DYSF: variants seen among roughly 807,000 people sequenced by gnomAD.
DYSF encodes dysferlin.
Under a neutral mutation model 274.9 loss-of-function variants are expected in DYSF, and 212 were observed. The ratio of observed to expected loss-of-function variants is 0.77; its 90% confidence interval spans 0.69 to 0.86. The LOEUF is 0.86. Among genes scored for constraint, DYSF ranks in the 40% least tolerant of loss-of-function variants. The probability of loss-of-function intolerance (pLI) is 0.00; values close to 1 mark genes in which losing one functional copy is unlikely to be tolerated. For missense variants in DYSF, 2,666 were observed against 2,783.2 expected, an observed-to-expected ratio of 0.96 and a Z score of 0.95; for synonymous variants, 1,091 against 1,078.7, an observed-to-expected ratio of 1.01 and a Z score of -0.22.
At chr2:71,480,627 A>T (rs2082803589) in intron 1 of DYSF, among the ~76,000 whole-genome samples, 1 of 152,240 alleles carries the variant, frequency 6.6e-6, no homozygotes, top group African/African-American at 2.4e-5. Flanking sequence ...TAACAATAAC[A>T]AACTCATTAA....
At chr2:71,561,202 T>C (rs1169658769) in intron 22 of DYSF, among the ~76,000 whole-genome samples, 1 of 152,142 alleles carries the variant, frequency 6.6e-6, no homozygotes, top group South Asian at 2.1e-4. Flanking sequence ...AAGGGTTCTG[T>C]TGTGGCTCCC....
chr2:71,650,636 A>T (rs1320509556), intron 42 of DYSF, among the ~76,000 whole-genome samples: 1 of 152,180 alleles, frequency 6.6e-6, no homozygotes. Context: ...CATGAAGAAA[A>T]CTTTAATAAA....
chr2:71,651,289 T>C lies in DYSF; in HGVS notation c.4627-4873T>C, dbSNP rs565243224. 3.3e-5 allele frequency among the ~76,000 whole-genome samples: 5 copies of C among 152,160 alleles called. No individual in the cohort carries two copies. In the East Asian group the frequency reaches 7.7e-4, roughly 23 times the overall value. ...GAATGAATCAACTAAAATAGATAAC[T>C]CTTCAGCTAGTCTACTTTAGAGAAG... On this transcript the variant is annotated intron_variant, in intron 42 of 55. Coordinates refer to ENST00000410020, the MANE Select transcript of DYSF (RefSeq NM_001130987.2).
At chr2:71,619,660 C>T (rs2094045065) in intron 40 of DYSF, among the ~76,000 whole-genome samples, 1 of 152,202 alleles carries the variant, frequency 6.6e-6, no homozygotes, top group South Asian at 2.1e-4. Context: ...CCCTCCTGAC[C>T]CGTTTGCTCT....
At chr2:71,503,184 T>C in intron 3 of DYSF, 30 bp from the exon 4 acceptor site, 2 of 1,609,130 alleles carry the variant, frequency 1.2e-6, no homozygotes, top group Non-Finnish European at 1.7e-6. Context: ...TTAGGCTAGT[T>C]TTCTACATTT....
chr2:71,607,829 T>C (rs2093673633), intron 36 of DYSF, among the ~76,000 whole-genome samples: 1 of 152,076 alleles, frequency 6.6e-6, no homozygotes, highest in Non-Finnish European at 1.5e-5. Context: ...GAATCCAGTT[T>C]TGGACAAGTT....
At chr2:71,502,640 C>T (rs570536009) in intron 3 of DYSF, among the ~76,000 whole-genome samples, 1 of 152,350 alleles carries the variant, frequency 6.6e-6, no homozygotes, top group South Asian at 2.1e-4. Context: ...GAAATGCAGC[C>T]TCTGGTGCGT....
chr2:71,495,804 G>T (rs2084325749), intron 3 of DYSF, among the ~76,000 whole-genome samples: 1 of 152,194 alleles, frequency 6.6e-6, no homozygotes, highest in South Asian at 2.1e-4. Flanking sequence ...TGGGGCAGGG[G>T]CTCTGCTACC....
At chr2:71,648,059 A>C (rs918587231) in intron 42 of DYSF, among the ~76,000 whole-genome samples, 2 of 152,232 alleles carry the variant, frequency 1.3e-5, no homozygotes, top group Non-Finnish European at 2.9e-5. Flanking sequence ...AATTCAGCTC[A>C]TTTAGTGAGA....
chr2:71,481,695 T>TCCATCC (rs71402983), intron 2 of DYSF, among the ~76,000 whole-genome samples, 184 bp from the exon 3 acceptor site: 2 of 124,456 alleles, frequency 1.6e-5, no homozygotes, highest in Non-Finnish European at 3.3e-5. Context: ...GGTCTTCATC[T>TCCATCC]ATCCATCCAT....
intron 1 of DYSF, among the ~76,000 whole-genome samples, chr2:71,478,363 C>T (rs920134572): frequency 2.6e-5 from 4 of 151,942 alleles, no homozygotes; most frequent in Middle Eastern, 3.2e-3. Context: ...AGGTGCCAGC[C>T]ACCATGCCCG....
chr2:71,631,767 C>T (rs893262301), intron 41 of DYSF, among the ~76,000 whole-genome samples: 3 of 152,070 alleles, frequency 2.0e-5, no homozygotes, highest in African/African-American at 7.2e-5. Flanking sequence ...ATCCTCGTTG[C>T]CGGAGCCCTT....
intron 29 of DYSF, among the ~76,000 whole-genome samples, chr2:71,573,303 C>T (rs535947749): frequency 3.3e-5 from 5 of 152,320 alleles, no homozygotes; most frequent in African/African-American, 1.2e-4. Context: ...GAGGCAAAGC[C>T]TGCCCAGGCT....
At chr2:71,521,665 T>C (rs184609069) in intron 12 of DYSF, among the ~76,000 whole-genome samples, 1 of 152,242 alleles carries the variant, frequency 6.6e-6, no homozygotes, top group Non-Finnish European at 1.5e-5. Flanking sequence ...CCCTGGGGTC[T>C]CCTGCCATGC....
chr2:71,570,362 C>A, intron 28 of DYSF, 28 bp downstream of exon 28: 1 of 1,606,730 alleles, frequency 6.2e-7, no homozygotes, highest in Non-Finnish European at 8.5e-7. Flanking sequence ...CCTGGCGAGC[C>A]CCATCCCCGG....
chr2:71,682,595 G>A lies in DYSF; in HGVS notation c.6239G>A (p.Arg2080Gln), dbSNP rs760119297. 15 of 1,614,032 alleles carry A rather than the reference G, an allele frequency of 9.3e-6. No homozygotes were observed. The highest frequency in any genetic ancestry group is 4.4e-5 in the South Asian group (4 of 91,072). ...AAGACCATGAAGTTCATCCTGTGGC[G>A]GCGTTTCCGGTGGGCCATCATCCTC... ...PYKTMKFILW[R>Q]RFRWAIILFI... Residue 2080 changes from arginine (R) to glutamine (Q), a missense_variant, in exon 55 of 56, where the codon CGG becomes CAG. This residue lies in a region of DYSF where 1,460 missense variants were observed against 1,502.1 expected (regional missense o/e 0.97). Coordinates refer to ENST00000410020, the MANE Select transcript of DYSF (RefSeq NM_001130987.2).
chr2:71,617,807 TGTGTGTGTGTGGTAGAGGTGGGGTATAA>T (rs1431695132), intron 40 of DYSF, among the ~76,000 whole-genome samples: 63 of 68,438 alleles, frequency 9.2e-4, no homozygotes, highest in Non-Finnish European at 1.1e-3. Context: ...GTGGGGTATA[TGTGTGTGTGTGGTAGAGGTGGGGTATAA>T]GTGTGTGTGG....
intron 24 of DYSF, among the ~76,000 whole-genome samples, chr2:71,567,678 G>T (rs1042557087): frequency 2.6e-5 from 4 of 152,008 alleles, no homozygotes; most frequent in African/African-American, 9.7e-5. Context: ...GCTAGACATG[G>T]TTCTTCTCTG....
At chr2:71,495,539 C>T (rs1306704435) in intron 3 of DYSF, among the ~76,000 whole-genome samples, 2 of 152,174 alleles carry the variant, frequency 1.3e-5, no homozygotes, top group African/African-American at 2.4e-5. Context: ...GTTCCATGAA[C>T]CCAATAGAAC....
Sources: allele counts gnomAD v4.1 joint callset (sites outside exome capture counted in the v4.1 genomes callset), GRCh38; gene constraint gnomAD v4.1.1; regional missense constraint gnomAD v4.1.1; transcripts MANE v1.5; gene names NCBI Gene and HGNC (gene_info 2026-07-23, HGNC 2026-07-21).